FHIP1A: variants seen among roughly 807,000 people sequenced by gnomAD.
FHIP1A encodes the protein FHF complex subunit HOOK-interacting protein 1A.
A neutral mutation model predicts 88.6 loss-of-function variants in FHIP1A; 61 were observed. The observed-to-expected ratio is 0.69, with a 90% CI of 0.56 to 0.85. The LOEUF (loss-of-function observed/expected upper bound fraction) is 0.85, where lower values mean the gene tolerates loss of function less well. Among genes scored for constraint, FHIP1A ranks in the 40% least tolerant of loss-of-function variants. FHIP1A has a pLI of 0.00. For missense variants in FHIP1A, 1,154 were observed against 1,273.5 expected (o/e 0.91, Z 1.43); for synonymous variants, 478 against 496.0 (o/e 0.96, Z 0.48).
intron 3 of FHIP1A, among the ~76,000 whole-genome samples, chr4:151,516,448 A>G (rs979874947): frequency 5.9e-5 from 9 of 152,146 alleles, no homozygotes; most frequent in Non-Finnish European, 1.3e-4. Flanking sequence ...AAAATTGACA[A>G]ATGGGATCTA....
At position 151,502,157 on chromosome 4, in the gene FHIP1A, GAAAAA is replaced by G. The variant is rs370065238; in HGVS notation, c.-123+19521_-123+19525del. 2.6e-5 allele frequency among the ~76,000 whole-genome samples: 3 copies of G among 114,174 alleles called. No homozygotes were observed. In the South Asian group the frequency reaches 9.3e-4, roughly 35 times the overall value. 74.9% of individuals were successfully genotyped at this position (114,174 alleles called of 152,430 possible). On this transcript the variant is annotated intron_variant, in intron 3 of 13. Transcript: ENST00000435205. The stretch of plus-strand genomic sequence containing the variant: ...ATAGGGAGAATCTGTCTCTACAAAA[GAAAAA>G]AAAAAAAAAAAGAAAAGAAAAAATT...
rs1348655116 is a variant in FHIP1A at position 151,662,750 on chromosome 4, G to A, written c.3119G>A (p.Cys1040Tyr). The A allele has an allele frequency of 7.4e-7, 1 of 1,344,824 alleles. No homozygotes were observed. The highest frequency in any genetic ancestry group is 9.6e-7 in the Non-Finnish European group (1 of 1,042,580). 83.3% of individuals were successfully genotyped at this position (1,344,824 alleles called of 1,614,324 possible). A position where few individuals can be genotyped will look rare whatever the true frequency, so the allele number is the denominator to read the frequency against. The change falls in exon 14 of 14, where the codon TGT becomes TAT. Residue 1040 changes from cysteine (C) to tyrosine (Y), a missense_variant. Coordinates refer to ENST00000435205, the MANE Select transcript of FHIP1A (RefSeq NM_001109977.3). ...KILGDFEDSC[C>Y] ...TTGGGTGACTTTGAGGACTCCTGCT[G>A]TTAGCTTTTTTTTTTTTTTTTAATA... is the stretch of plus-strand genomic sequence containing the variant.
rs1019149383 is a variant in FHIP1A at position 151,649,930 on chromosome 4, G to C, written c.1889G>C (p.Gly630Ala). ...AAGAATGCCCTCCTGCTCTTCAAAGGGTCCTACATAGAAGAGTCGGACTTT... is the reference window on the plus strand; with the variant it reads ...AAGAATGCCCTCCTGCTCTTCAAAGCGTCCTACATAGAAGAGTCGGACTTT... ...MKKNALLLFK[G>A]SYIEESDFQD... Residue 630 changes from glycine (G) to alanine (A), a missense_variant, in exon 11 of 14, where the codon GGG (glycine) becomes GCG (alanine). Gly to Ala is a moderately conservative substitution (Grantham distance 60, BLOSUM62 0). Coordinates refer to ENST00000435205, the MANE Select transcript of FHIP1A (RefSeq NM_001109977.3). 10 of 1,551,388 alleles carry C rather than the reference G, an allele frequency of 6.4e-6. No homozygotes were observed. Among genetic ancestry groups the C allele is most frequent in the Non-Finnish European group, 8.7e-6 (10 of 1,146,934 alleles).
At chr4:151,587,520 T>C (rs1025192361) in intron 6 of FHIP1A, among the ~76,000 whole-genome samples, 1 of 151,916 alleles carries the variant, frequency 6.6e-6, no homozygotes, top group Non-Finnish European at 1.5e-5. Flanking sequence ...TCTCGGCCTT[T>C]TTTTTTATTA....
At chr4:151,626,822 T>A (rs898459013) in intron 7 of FHIP1A, among the ~76,000 whole-genome samples, 2 of 152,222 alleles carry the variant, frequency 1.3e-5, no homozygotes, top group Non-Finnish European at 2.9e-5. Context: ...TACTTTCCAG[T>A]CTTGCTAACA....
intron 7 of FHIP1A, among the ~76,000 whole-genome samples, chr4:151,620,867 C>T (rs1416084983): frequency 6.9e-6 from 1 of 144,768 alleles, no homozygotes; most frequent in East Asian, 2.0e-4. Flanking sequence ...ACCCTCCCTA[C>T]ACACCGAGAA....
chr4:151,595,488 G>A (rs1734612010), intron 7 of FHIP1A, among the ~76,000 whole-genome samples: 1 of 152,256 alleles, frequency 6.6e-6, no homozygotes, highest in East Asian at 1.9e-4. Flanking sequence ...TGAGAAGAAT[G>A]TATATTCTGT....
At chr4:151,617,248 A>G (rs1277645256) in intron 7 of FHIP1A, among the ~76,000 whole-genome samples, 1 of 152,120 alleles carries the variant, frequency 6.6e-6, no homozygotes, top group East Asian at 1.9e-4. Context: ...ACTTCATTTT[A>G]CTGTATCATG....
chr4:151,644,567 G>A (rs985351398), intron 9 of FHIP1A, among the ~76,000 whole-genome samples: 7 of 152,034 alleles, frequency 4.6e-5, no homozygotes, highest in African/African-American at 1.2e-4. Context: ...GCTCAGGCTC[G>A]TTTTGAACTC....
At chr4:151,538,454 T>C (rs1401470793) in intron 3 of FHIP1A, among the ~76,000 whole-genome samples, 7 of 152,176 alleles carry the variant, frequency 4.6e-5, no homozygotes, top group Non-Finnish European at 7.3e-5. Context: ...GGATTTCCAT[T>C]CCCAGACCTT....
At chr4:151,621,640 C>T (rs911757638) in intron 7 of FHIP1A, among the ~76,000 whole-genome samples, 17 of 152,056 alleles carry the variant, frequency 1.1e-4, no homozygotes, top group Non-Finnish European at 2.9e-5. Context: ...TGCAGTGGTT[C>T]TCAGATACTT....
chr4:151,620,013 G>A (rs1272544656), intron 7 of FHIP1A, among the ~76,000 whole-genome samples: 1 of 152,218 alleles, frequency 6.6e-6, no homozygotes, highest in Admixed American at 6.5e-5. Flanking sequence ...CCAAGGAAGA[G>A]AGGGAGAATA....
chr4:151,541,989 G>A (rs1000739131), intron 3 of FHIP1A, among the ~76,000 whole-genome samples: 20 of 152,204 alleles, frequency 1.3e-4, no homozygotes, highest in Non-Finnish European at 5.9e-5. Flanking sequence ...GGGAGGATGG[G>A]TTGGAGCCTT....
At chr4:151,485,026 C>T (rs2126638739) in intron 3 of FHIP1A, among the ~76,000 whole-genome samples, 1 of 152,150 alleles carries the variant, frequency 6.6e-6, no homozygotes, top group East Asian at 1.9e-4. Context: ...AGCCCCAAAA[C>T]TGTTTTAGTA....
At chr4:151,428,471 G>A (rs180913895) in intron 1 of FHIP1A, among the ~76,000 whole-genome samples, 15 of 152,010 alleles carry the variant, frequency 9.9e-5, no homozygotes, top group African/African-American at 3.4e-4. Flanking sequence ...TCTCTTCTGT[G>A]TTACTACATT....
At chr4:151,425,640 A>T (rs1733336986) in intron 1 of FHIP1A, among the ~76,000 whole-genome samples, 1 of 152,212 alleles carries the variant, frequency 6.6e-6, no homozygotes, top group South Asian at 2.1e-4. Context: ...TATGTGGATT[A>T]GAAAAATAGT....
intron 7 of FHIP1A, among the ~76,000 whole-genome samples, chr4:151,627,967 G>T (rs1736013636): frequency 6.6e-6 from 1 of 152,144 alleles, no homozygotes; most frequent in Non-Finnish European, 1.5e-5. Flanking sequence ...TCATATATGG[G>T]ACTAGAAAAC....
intron 3 of FHIP1A, among the ~76,000 whole-genome samples, chr4:151,484,832 T>C (rs183301133): frequency 1.3e-5 from 2 of 152,344 alleles, no homozygotes; most frequent in East Asian, 3.9e-4. Flanking sequence ...AAAAGTCGTC[T>C]ACATGAGAAA....
chr4:151,416,870 G>C (rs1272913435), intron 1 of FHIP1A, among the ~76,000 whole-genome samples: 1 of 152,016 alleles, frequency 6.6e-6, no homozygotes, highest in East Asian at 1.9e-4. Context: ...TGCAGCCTCA[G>C]CTTCCTAGGC....
Sources: gnomAD v4.1 joint callset for allele counts (sites outside exome capture counted in the v4.1 genomes callset) on GRCh38, gnomAD v4.1.1 for gene constraint, MANE v1.5 for transcripts, NCBI Gene and HGNC (gene_info 2026-07-23, HGNC 2026-07-21) for gene names.